VPS26C: variants seen among roughly 807,000 people sequenced by gnomAD.
VPS26C encodes VPS26 endosomal protein sorting factor C.
VPS26C carries 19 observed loss-of-function variants against 30.6 expected under a neutral mutation model. The observed-to-expected ratio is 0.62, with a 90% confidence interval of 0.43 to 0.91. The LOEUF is 0.91. Among genes scored for constraint, VPS26C ranks in the 40% least tolerant of loss-of-function variants. VPS26C has a pLI of 0.00. For missense variants in VPS26C, 318 were observed against 385.1 expected, an observed-to-expected ratio of 0.83 and a Z score of 1.46; for synonymous variants, 132 against 151.5, an observed-to-expected ratio of 0.87 and a Z score of 0.95.
In VPS26C at chr21:37,227,831, C is replaced by T. The variant is rs374542851; in HGVS notation, c.659-25G>A. 3.4e-5 allele frequency: 53 copies of T among 1,572,380 alleles called. No homozygotes were observed. In the African/African-American group the frequency reaches 4.7e-4, roughly 14 times the overall value. ...CCTGCGGGAGGGAGGCCACATCACG[C>T]GGTCAGGGCCAGCAGAGGCTGCGGG... On this transcript the variant is annotated intron_variant, in intron 6 of 7. Coordinates refer to ENST00000309117, the MANE Select transcript of VPS26C (RefSeq NM_006052.2).
rs1403620167 is a variant in VPS26C at position 37,228,308 on chromosome 21, C to T, written c.573G>A (p.Gln191=). 1 of 1,614,084 alleles carries T rather than the reference C, an allele frequency of 6.2e-7. No individual in the cohort carries two copies. The highest frequency in any genetic ancestry group is 2.2e-5 in the East Asian group (1 of 44,900). Reference sequence around the variant, plus strand: ...CCACCACCAGCTCTCCCGTTAGTGGCTGCGTGATGACACAGTTTGTTGAGT... The same window carrying T: ...CCACCACCAGCTCTCCCGTTAGTGGTTGCGTGATGACACAGTTTGTTGAGT... The part of the protein sequence containing the change: ...HLNSTNCVIT[Q]PLTGELVVES... The change falls in exon 6 of 8, where the codon CAG becomes CAA. Residue 191 remains glutamine (Q), a synonymous_variant. Transcript: ENST00000309117.
At chr21:37,265,847 T>C (rs79497331) in intron 1 of VPS26C, among the ~76,000 whole-genome samples, 1 of 151,568 alleles carries the variant, frequency 6.6e-6, no homozygotes, top group African/African-American at 2.4e-5. Flanking sequence ...GTGGTGTTCA[T>C]TGTTGTGCTT....
chr21:37,247,954 T>G (rs1455501943), intron 1 of VPS26C, among the ~76,000 whole-genome samples: 2 of 152,162 alleles, frequency 1.3e-5, no homozygotes, highest in African/African-American at 4.8e-5. Context: ...GAGGATTGTT[T>G]GAGCCCAGGA....
In VPS26C at chr21:37,233,280, G is replaced by A. The variant is rs2085985382; in HGVS notation, c.432+82C>T. ...CCGTGAAACAGTAAGAGGCTAAATG[G>A]TGAGCTTGTAAATAGGGTAAACTCT... On this transcript the variant is annotated intron_variant, in intron 4 of 7. Transcript: ENST00000309117. The surrounding 1 kb of genome is among the most constrained non-coding windows in gnomAD (Gnocchi z 5.2). 4.8e-6 allele frequency: 6 copies of A among 1,237,254 alleles called. No individual in the cohort carries two copies. Among genetic ancestry groups the A allele is most frequent in the Admixed American group, 1.7e-5 (1 of 57,548 alleles). The allele number at this position is 1,237,254 out of a possible 1,614,324, so 76.6% of individuals were successfully genotyped here.
Position 37,233,567 on chromosome 21 carries a change from A to G in VPS26C, c.352-125T>C. The G allele has an allele frequency of 1.5e-6, 1 of 666,882 alleles. No homozygotes were observed. 41.3% of individuals were successfully genotyped at this position (666,882 alleles called of 1,614,324 possible). On this transcript the variant is annotated intron_variant, in intron 3 of 7. Transcript: ENST00000309117. The surrounding 1 kb of genome is among the most constrained non-coding windows in gnomAD (Gnocchi z 5.2). The stretch of plus-strand genomic sequence containing the variant: ...AAATGTTGTACAATCAGTGCATTAT[A>G]GAAAATTAACATACATAATATAATA...
At position 37,227,669 on chromosome 21, in the gene VPS26C, TG is replaced by T; in HGVS notation, c.795del (p.Thr266ProfsTer27). 1 of 1,613,942 alleles carries T rather than the reference TG, an allele frequency of 6.2e-7. No individual in the cohort carries two copies. Among genetic ancestry groups the T allele is most frequent in the Non-Finnish European group, 8.5e-7 (1 of 1,179,846 alleles). Reference protein sequence around the residue: ...PRLFTCPTLETTNFKVEFEVN... With the variant: ...PRLFTCPTLEXTNFKVEFEVN... ...TGCCACTTACCCACTTTGAAGTTGG[TG>T]GTCTCCAGTGTAGGGCAGGTGAACA... is the stretch of plus-strand genomic sequence containing the variant. On this transcript the variant is annotated frameshift_variant, in exon 7 of 8. Transcript: ENST00000309117. LOFTEE classifies it high-confidence loss of function.
chr21:37,250,205 T>C (rs2086177928), intron 1 of VPS26C, among the ~76,000 whole-genome samples: 1 of 151,984 alleles, frequency 6.6e-6, no homozygotes, highest in African/African-American at 2.4e-5. Context: ...CTTGGGAGGC[T>C]GAGGCAGGAG....
intron 1 of VPS26C, among the ~76,000 whole-genome samples, chr21:37,253,054 C>T (rs886754901): frequency 9.2e-5 from 14 of 151,930 alleles, no homozygotes; most frequent in African/African-American, 2.9e-4. Context: ...GAAATTATCA[C>T]GTATAGGAGG....
chr21:37,250,494 A>G lies in VPS26C; in HGVS notation c.58-9855T>C, dbSNP rs79692942. Among the ~76,000 whole-genome samples, 1,512 of 152,334 alleles carry G rather than the reference A, an allele frequency of 9.9e-3. 14 individuals carry two copies. Among genetic ancestry groups the G allele is most frequent in the Non-Finnish European group, 0.016 (1,095 of 68,020 alleles). On this transcript the variant is annotated intron_variant, in intron 1 of 7. Transcript: ENST00000309117. ...AAACTCTGAATAAATATGGCCACAA[A>G]TATGACTATGAACAATACCACTATA... is the stretch of plus-strand genomic sequence containing the variant.
At chr21:37,250,622 G>T (rs140799580) in intron 1 of VPS26C, among the ~76,000 whole-genome samples, 1 of 2,742 alleles carries the variant, frequency 3.6e-4, no homozygotes, top group Admixed American at 3.7e-3. Context: ...TCAATGAAAG[G>T]CTGGGCGCGG....
chr21:37,238,324 G>C (rs750389393), intron 3 of VPS26C, 136 bp downstream of exon 3: 2 of 971,276 alleles, frequency 2.1e-6, no homozygotes, highest in Non-Finnish European at 3.0e-6. Flanking sequence ...AATTAACGTC[G>C]AATATACATG....
In VPS26C at chr21:37,225,363, G is replaced by A. The variant is rs73397230; in HGVS notation, c.*181C>T. 793 of 613,312 alleles carry A rather than the reference G, an allele frequency of 1.3e-3. 5 individuals carry two copies. The highest frequency in any genetic ancestry group is 0.013 in the African/African-American group (690 of 54,522). 38.0% of individuals were successfully genotyped at this position (613,312 alleles called of 1,614,324 possible). On this transcript the variant is annotated 3_prime_UTR_variant, in exon 8 of 8. Transcript: ENST00000309117. ...AGAAAAGGTCTGATTAGAGGTGCCT[G>A]TTGGAAGCAGAAGCCTCAAGAAATG...
Position 37,233,314 on chromosome 21 carries a change from A to G in VPS26C, c.432+48T>C, listed in dbSNP as rs2085985741. Reference sequence around the variant, plus strand: ...TAAATAGGGTAAACTCTCAGACCCCATGGGAGATTCCTATCATTAAGCACC... The same window carrying G: ...TAAATAGGGTAAACTCTCAGACCCCGTGGGAGATTCCTATCATTAAGCACC... On this transcript the variant is annotated intron_variant, in intron 4 of 7. Transcript: ENST00000309117. This position sits in a 1 kb window ranked among gnomAD's most constrained non-coding sequence, Gnocchi z 5.2. 3 of 1,502,760 alleles carry G rather than the reference A, an allele frequency of 2.0e-6. No homozygotes were observed. The highest frequency in any genetic ancestry group is 2.8e-6 in the Non-Finnish European group (3 of 1,078,514). The allele number at this position is 1,502,760 out of a possible 1,614,324, so 93.1% of individuals were successfully genotyped here. A position where few individuals can be genotyped will look rare whatever the true frequency, so the allele number is the denominator to read the frequency against.
intron 1 of VPS26C, among the ~76,000 whole-genome samples, chr21:37,240,887 G>A (rs949347557): frequency 1.3e-4 from 20 of 152,122 alleles, no homozygotes; most frequent in South Asian, 2.1e-4. Context: ...ACCTCGTCCC[G>A]TCACTGCCTC....
At chr21:37,246,831 C>T (rs186597763) in intron 1 of VPS26C, among the ~76,000 whole-genome samples, 5 of 152,292 alleles carry the variant, frequency 3.3e-5, no homozygotes, top group Admixed American at 6.5e-5. Flanking sequence ...GATCATAGCT[C>T]ACTGCAACCT....
chr21:37,236,337 C>T (rs1179656468), intron 3 of VPS26C, among the ~76,000 whole-genome samples: 2 of 152,116 alleles, frequency 1.3e-5, no homozygotes, highest in South Asian at 4.1e-4. Flanking sequence ...AGAAAAAGAC[C>T]TGCCAAATAA....
At position 37,226,236 on chromosome 21, in the gene VPS26C, C is replaced by T. The variant is rs748884579; in HGVS notation, c.812-610G>A. 2 of 153,814 alleles carry T rather than the reference C, an allele frequency of 1.3e-5. No homozygotes were observed. Among genetic ancestry groups the T allele is most frequent in the Non-Finnish European group, 1.4e-5 (1 of 69,038 alleles). 9.5% of individuals were successfully genotyped at this position (153,814 alleles called of 1,614,324 possible). A position where few individuals can be genotyped will look rare whatever the true frequency, so the allele number is the denominator to read the frequency against. ...GGAAGCACCTGACGACAAACAAGCA[C>T]CATCTCCTTCCCCAGTGTGAGGAGG... On this transcript the variant is annotated intron_variant, in intron 7 of 7. Transcript: ENST00000309117. The surrounding 1 kb of genome is among the most constrained non-coding windows in gnomAD (Gnocchi z 4.1).
chr21:37,251,468 A>C (rs116705585), intron 1 of VPS26C, among the ~76,000 whole-genome samples: 1 of 152,172 alleles, frequency 6.6e-6, no homozygotes. Flanking sequence ...ACTCCCATAC[A>C]TTCTACTTTT....
chr21:37,263,150 T>TA (rs957491994), intron 1 of VPS26C, among the ~76,000 whole-genome samples: 7 of 152,048 alleles, frequency 4.6e-5, no homozygotes, highest in South Asian at 2.1e-4. Flanking sequence ...TATTTTTTCT[T>TA]AAAAAAAAGG....
Sources: gnomAD v4.1 joint callset for allele counts (sites outside exome capture counted in the v4.1 genomes callset) on GRCh38, gnomAD v4.1.1 for gene constraint, Gnocchi (gnomAD v3.1) non-coding constraint, MANE v1.5 for transcripts, NCBI Gene and HGNC (gene_info 2026-07-23, HGNC 2026-07-21) for gene names.